Variants in ISX observed in about 807,000 individuals in gnomAD.
The protein encoded by ISX is intestine specific homeobox, also known as intestine-specific homeobox.
In ISX, 15 loss-of-function variants were observed where a neutral mutation model predicts 16.9. The observed-to-expected ratio is 0.89, with a 90% confidence interval of 0.59 to 1.36. The LOEUF is 1.36. Ranked by LOEUF, ISX falls within the 40% of genes most tolerant of loss-of-function variation. The pLI, the probability that ISX is intolerant of heterozygous loss-of-function variation, is 0.00. For synonymous variants in ISX, 125 were observed against 119.7 expected (o/e 1.04, Z -0.29); for missense variants, 316 against 306.1 (o/e 1.03, Z -0.24).
At chr22:35,071,131 C>G (rs562719392) in intron 2 of ISX, among the ~76,000 whole-genome samples, 2 of 152,190 alleles carry the variant, frequency 1.3e-5, no homozygotes, top group African/African-American at 2.4e-5. Context: ...ACACCCTCCC[C>G]GGCCCTGTCT....
Position 35,066,292 on chromosome 22 carries a change from G to A in ISX, c.-507G>A, listed in dbSNP as rs1928697080. 2.0e-5 allele frequency: 3 copies of A among 152,492 alleles called. No homozygotes were observed. The highest frequency in any genetic ancestry group is 7.2e-5 in the African/African-American group (3 of 41,438). The allele number at this position is 152,492 out of a possible 1,614,324, so 9.4% of individuals were successfully genotyped here. A position where few individuals can be genotyped will look rare whatever the true frequency, so the allele number is the denominator to read the frequency against. On this transcript the variant is annotated 5_prime_UTR_variant, in exon 1 of 5. Coordinates refer to ENST00000404699, the MANE Select transcript of ISX (RefSeq NM_001303508.2). ...GGGCTTCGCATGTAAAGTGACGTCA[G>A]GGAAAATAGAACAGAAAAAAAGCCA...
intron 2 of ISX, among the ~76,000 whole-genome samples, chr22:35,074,462 C>T (rs951807598): frequency 2.0e-5 from 3 of 152,170 alleles, no homozygotes; most frequent in African/African-American, 7.2e-5. Context: ...ATATGGAAAC[C>T]TCAAGTTTCT....
chr22:35,067,380 G>A, intron 2 of ISX, 64 bp downstream of exon 2: 2 of 1,167,768 alleles, frequency 1.7e-6, no homozygotes, highest in Non-Finnish European at 2.4e-6. Context: ...GGCTCAGGCA[G>A]AGAAAAAGCT....
intron 2 of ISX, among the ~76,000 whole-genome samples, chr22:35,075,683 T>A (rs984147145): frequency 6.6e-6 from 1 of 152,094 alleles, no homozygotes; most frequent in Non-Finnish European, 1.5e-5. Context: ...GGAGTACACA[T>A]GCTAAAATTC....
In ISX at chr22:35,085,791, C is replaced by G; in HGVS notation, c.*98C>G. ...CCTCTGGGGAAATCGATTTCACAAT[C>G]CAAAAATGGCCCACAGCCCAGGAAG... On this transcript the variant is annotated 3_prime_UTR_variant, in exon 5 of 5. Transcript: ENST00000404699. 7 of 1,499,336 alleles carry G rather than the reference C, an allele frequency of 4.7e-6. No homozygotes were observed. The highest frequency in any genetic ancestry group is 6.4e-6 in the Non-Finnish European group (7 of 1,091,166). The allele number at this position is 1,499,336 out of a possible 1,614,324, so 92.9% of individuals were successfully genotyped here.
At chr22:35,071,995 T>A (rs1276235670) in intron 2 of ISX, among the ~76,000 whole-genome samples, 1 of 152,210 alleles carries the variant, frequency 6.6e-6, no homozygotes, top group Non-Finnish European at 1.5e-5. Flanking sequence ...CATCACCTGG[T>A]GATTAACAGC....
rs1928723589 is a variant in ISX, at chr22:35,067,185, T to C, written c.98T>C (p.Ile33Thr). The change falls in exon 2 of 5, where the codon ATT (isoleucine) becomes ACT (threonine). Residue 33 changes from isoleucine (I) to threonine (T), a missense_variant. Ile to Thr is a moderately conservative substitution (Grantham distance 89). Transcript: ENST00000404699. Reference protein sequence around the residue: ...APKKLSLSFSIEAILKRPARR... With the variant: ...APKKLSLSFSTEAILKRPARR... ...AAGAAGCTGAGCCTGTCCTTCTCCA[T>C]TGAGGCGATCCTAAAGAGGCCTGCC... 2 of 1,612,960 alleles carry C rather than the reference T, an allele frequency of 1.2e-6. No homozygotes were observed. Among genetic ancestry groups the C allele is most frequent in the South Asian group, 2.2e-5 (2 of 90,778 alleles).
intron 4 of ISX, among the ~76,000 whole-genome samples, chr22:35,084,750 T>C (rs1487375401): frequency 6.6e-6 from 1 of 152,196 alleles, no homozygotes; most frequent in Non-Finnish European, 1.5e-5. Flanking sequence ...TGTGCAAAAC[T>C]TCTCAGTTTA....
chr22:35,075,169 T>C (rs1928949889), intron 2 of ISX, among the ~76,000 whole-genome samples: 1 of 152,096 alleles, frequency 6.6e-6, no homozygotes, highest in Non-Finnish European at 1.5e-5. Context: ...AGTAGTGGCT[T>C]TTGAGATGGA....
At chr22:35,080,697 G>A (rs4821362) in intron 2 of ISX, among the ~76,000 whole-genome samples, 92,929 of 151,950 alleles carry the variant, frequency 0.61, 28,962 homozygotes, top group Admixed American at 0.67. Flanking sequence ...GTTGTATAAA[G>A]AAAAATGTCC....
chr22:35,073,664 G>A (rs557066976), intron 2 of ISX, among the ~76,000 whole-genome samples: 1 of 152,296 alleles, frequency 6.6e-6, no homozygotes, highest in Non-Finnish European at 1.5e-5. Context: ...AGAAGCTGTG[G>A]TCGGTCTGTA....
chr22:35,082,587 T>C lies in ISX; in HGVS notation c.299T>C (p.Ile100Thr), dbSNP rs146866945. The C allele has an allele frequency of 1.2e-6, 2 of 1,614,152 alleles. No homozygotes were observed. The highest frequency in any genetic ancestry group is 2.2e-5 in the East Asian group (1 of 44,866). The change falls in exon 3 of 5, where the codon ATC (isoleucine) becomes ACC (threonine). Residue 100 changes from isoleucine to threonine, a missense_variant. By Grantham distance (89) the Ile-to-Thr change is moderately conservative (BLOSUM62 -1). Transcript: ENST00000404699. Reference sequence around the variant, plus strand: ...GAGCAGCTGCATGAGCTGGAGAAGATCTTCCACTTTACCCACTACCCAGAC... The same window carrying C: ...GAGCAGCTGCATGAGCTGGAGAAGACCTTCCACTTTACCCACTACCCAGAC... ...TTEQLHELEK[I>T]FHFTHYPDVH...
chr22:35,067,122 G>A lies in ISX; in HGVS notation c.35G>A (p.Gly12Asp). Residue 12 changes from glycine (G) to aspartate (D), a missense_variant, in exon 2 of 5, where the codon GGT (glycine) becomes GAT (aspartate). Physicochemically the swap from Gly to Asp is moderately conservative, Grantham distance 94. Transcript: ENST00000404699. ...CAEVGPALCR[G>D]MERNSLGCCE... ...GAGGTGGGCCCTGCTCTCTGCAGGG[G>A]TATGGAGAGAAATAGCTTGGGGTGC... The A allele has an allele frequency of 6.2e-7, 1 of 1,614,080 alleles. No homozygotes were observed. Among genetic ancestry groups the A allele is most frequent in the Non-Finnish European group, 8.5e-7 (1 of 1,179,980 alleles).
chr22:35,076,731 A>G (rs933619561), intron 2 of ISX, among the ~76,000 whole-genome samples: 46 of 152,188 alleles, frequency 3.0e-4, no homozygotes, highest in African/African-American at 1.0e-3. Flanking sequence ...GAGAAACATC[A>G]GTTTATAATT....
At chr22:35,074,892 A>T (rs4821353) in intron 2 of ISX, among the ~76,000 whole-genome samples, 86,064 of 151,610 alleles carry the variant, frequency 0.57, 24,887 homozygotes, top group Middle Eastern at 0.65. Context: ...GCATGCACGC[A>T]ACACACGCAC....
intron 2 of ISX, among the ~76,000 whole-genome samples, chr22:35,077,542 C>T (rs1298386079): frequency 6.6e-6 from 1 of 152,046 alleles, no homozygotes; most frequent in African/African-American, 2.4e-5. Flanking sequence ...AATTCCTCAC[C>T]AGTATGAATT....
intron 2 of ISX, among the ~76,000 whole-genome samples, chr22:35,080,776 T>C (rs559803611): frequency 5.9e-5 from 9 of 152,334 alleles, no homozygotes; most frequent in African/African-American, 2.2e-4. Context: ...AACTACCTGG[T>C]TGGTGTATGT....
chr22:35,082,768 G>T, intron 3 of ISX, 99 bp downstream of exon 3: 1 of 1,272,942 alleles, frequency 7.9e-7, no homozygotes, highest in Admixed American at 2.1e-5. Flanking sequence ...CCATCTAAAA[G>T]TTTCTGTTGG....
intron 2 of ISX, among the ~76,000 whole-genome samples, chr22:35,079,445 G>A (rs1354720578): frequency 6.6e-6 from 1 of 152,128 alleles, no homozygotes; most frequent in Admixed American, 6.5e-5. Context: ...ACATATATTT[G>A]TTAAGCTCTC....
Sources: gnomAD v4.1 joint callset for allele counts (sites outside exome capture counted in the v4.1 genomes callset) on GRCh38, gnomAD v4.1.1 for gene constraint, MANE v1.5 for transcripts, NCBI Gene and HGNC (gene_info 2026-07-23, HGNC 2026-07-21) for gene names.